The following LMBR1 variants were observed in gnomAD, a reference collection of about 807,000 sequenced individuals.
LMBR1 encodes the protein limb development membrane protein 1.
LMBR1 carries 52 observed loss-of-function variants against 73.9 expected under a neutral mutation model. The observed-to-expected ratio is 0.70, with a 90% confidence interval of 0.56 to 0.89. LMBR1 has a LOEUF of 0.89. LMBR1 is among the 40% of genes least tolerant of loss of function. The probability of loss-of-function intolerance (pLI) is 0.00; values close to 1 mark genes in which losing one functional copy is unlikely to be tolerated. For synonymous variants in LMBR1, 215 were observed against 209.4 expected, an observed-to-expected ratio of 1.03 and a Z score of -0.23; for missense variants, 539 against 579.8, an observed-to-expected ratio of 0.93 and a Z score of 0.72.
At chr7:156,771,432 G>A (rs1825159222) in intron 5 of LMBR1, among the ~76,000 whole-genome samples, 1 of 152,086 alleles carries the variant, frequency 6.6e-6, no homozygotes, top group Non-Finnish European at 1.5e-5. Flanking sequence ...AACCATCAGG[G>A]ACTATTATGA....
intron 15 of LMBR1, among the ~76,000 whole-genome samples, chr7:156,690,022 C>T (rs1477292721): frequency 1.3e-5 from 2 of 152,134 alleles, no homozygotes; most frequent in African/African-American, 2.4e-5. Flanking sequence ...AATCTTCTCA[C>T]AAGAAAAACC....
intron 15 of LMBR1, among the ~76,000 whole-genome samples, chr7:156,714,947 C>CT (rs1491587744): frequency 6.7e-6 from 1 of 148,904 alleles, no homozygotes; most frequent in Non-Finnish European, 1.5e-5. Flanking sequence ...TAAAAAAATA[C>CT]TTTTTTCTTT....
intron 9 of LMBR1, among the ~76,000 whole-genome samples, chr7:156,743,962 A>C (rs901293440): frequency 6.6e-6 from 1 of 152,212 alleles, no homozygotes; most frequent in Non-Finnish European, 1.5e-5. Flanking sequence ...TGTTTCTTTC[A>C]ATATGGAAGT....
intron 3 of LMBR1, among the ~76,000 whole-genome samples, chr7:156,827,889 G>A (rs1835971090): frequency 1.3e-5 from 2 of 152,148 alleles, no homozygotes; most frequent in Admixed American, 6.5e-5. Context: ...CAGACCATAT[G>A]ATACTTAAGA....
In LMBR1 at chr7:156,685,040, T is replaced by C. The variant is rs1033504832; in HGVS notation, c.1388-877A>G. ...GGAAAGCCACAGCCAAATATTAATA[T>C]GTAATTAAAAAGAAAAGAATGGAAA... On this transcript the variant is annotated intron_variant, in intron 16 of 16. Coordinates refer to ENST00000353442, the MANE Select transcript of LMBR1 (RefSeq NM_022458.4). This position sits in a 1 kb window ranked among gnomAD's most constrained non-coding sequence, Gnocchi z 4.1. 6.6e-6 allele frequency among the ~76,000 whole-genome samples: 1 copy of C among 151,442 alleles called. No individual in the cohort carries two copies. The highest frequency in any genetic ancestry group is 2.4e-5 in the African/African-American group (1 of 41,192).
At chr7:156,881,836 T>C (rs1586444679) in intron 1 of LMBR1, among the ~76,000 whole-genome samples, 1 of 149,408 alleles carries the variant, frequency 6.7e-6, no homozygotes, top group Non-Finnish European at 1.5e-5. Flanking sequence ...ACGACAAGTG[T>C]TGACAAGGCT....
chr7:156,686,528 C>G (rs568950469), intron 16 of LMBR1, among the ~76,000 whole-genome samples: 1 of 152,214 alleles, frequency 6.6e-6, no homozygotes, highest in South Asian at 2.1e-4. Flanking sequence ...GTAGCACACC[C>G]CAAAGAATAC....
In LMBR1 at chr7:156,763,943, G is replaced by T. The variant is rs190824239; in HGVS notation, c.424-148C>A. On this transcript the variant is annotated intron_variant, in intron 5 of 16. Transcript: ENST00000353442. ...AGGAAAAAAACACTAGGTACTTATG[G>T]TTTACAATGTTTAGACTGACTTTTC... is the stretch of plus-strand genomic sequence containing the variant. The T allele has an allele frequency of 1.9e-6, 1 of 518,968 alleles. No homozygotes were observed. Among genetic ancestry groups the T allele is most frequent in the Non-Finnish European group, 3.2e-6 (1 of 315,582 alleles). The allele number at this position is 518,968 out of a possible 1,614,324, so 32.1% of individuals were successfully genotyped here.
intron 5 of LMBR1, among the ~76,000 whole-genome samples, chr7:156,775,759 T>A (rs1826019789): frequency 6.6e-6 from 1 of 152,174 alleles, no homozygotes; most frequent in South Asian, 2.1e-4. Flanking sequence ...CAACTAATGT[T>A]CTTTTTAATT....
At chr7:156,809,488 T>C (rs1452275376) in intron 4 of LMBR1, among the ~76,000 whole-genome samples, 2 of 152,228 alleles carry the variant, frequency 1.3e-5, no homozygotes, top group Admixed American at 1.3e-4. Flanking sequence ...CTATATACTT[T>C]AAATCATCCA....
chr7:156,806,204 C>A (rs201633981), intron 4 of LMBR1, among the ~76,000 whole-genome samples: 6 of 152,246 alleles, frequency 3.9e-5, no homozygotes, highest in Non-Finnish European at 8.8e-5. Context: ...TTAGGTCTCA[C>A]GCATCCCTAA....
chr7:156,868,441 C>T (rs966879179), intron 1 of LMBR1, among the ~76,000 whole-genome samples: 2 of 151,954 alleles, frequency 1.3e-5, no homozygotes, highest in South Asian at 4.1e-4. Flanking sequence ...TTTGGGAGGC[C>T]GAGGTGGGCA....
intron 5 of LMBR1, among the ~76,000 whole-genome samples, chr7:156,795,711 C>T (rs763443650): frequency 3.9e-5 from 6 of 152,236 alleles, no homozygotes; most frequent in African/African-American, 7.2e-5. Context: ...CATCGCCACA[C>T]CCAGTTAATT....
chr7:156,857,537 G>A (rs1797137794), intron 1 of LMBR1, among the ~76,000 whole-genome samples: 1 of 152,184 alleles, frequency 6.6e-6, no homozygotes, highest in Admixed American at 6.5e-5. Flanking sequence ...ATCAGTAATT[G>A]GCAGATGCAG....
chr7:156,851,544 C>T (rs1204874483), intron 1 of LMBR1, among the ~76,000 whole-genome samples: 1 of 152,086 alleles, frequency 6.6e-6, no homozygotes, highest in Non-Finnish European at 1.5e-5. Context: ...GACTATACAC[C>T]AGATTACTCT....
intron 8 of LMBR1, among the ~76,000 whole-genome samples, chr7:156,760,354 A>G (rs1563295744): frequency 6.6e-6 from 1 of 152,200 alleles, no homozygotes; most frequent in Non-Finnish European, 1.5e-5. Context: ...TTTCAGCTCC[A>G]TGGGGTATTC....
chr7:156,877,755 C>T (rs906981502), intron 1 of LMBR1, among the ~76,000 whole-genome samples: 9 of 151,930 alleles, frequency 5.9e-5, no homozygotes, highest in Admixed American at 1.3e-4. Context: ...CGGTGGCAGG[C>T]GCCTGTAGTC....
Position 156,850,336 on chromosome 7 carries a change from TTC to T in LMBR1, c.67-13453_67-13452del, listed in dbSNP as rs1796067599. On this transcript the variant is annotated intron_variant, in intron 1 of 16. Coordinates refer to ENST00000353442, the MANE Select transcript of LMBR1 (RefSeq NM_022458.4). ...CTCCAGAATCATACACCAAATAAATTTCTGTTCATTATATATTATCCAGCCTG... is the reference window on the plus strand; with the variant it reads ...CTCCAGAATCATACACCAAATAAATTTGTTCATTATATATTATCCAGCCTG... Among the ~76,000 whole-genome samples, 4 of 152,120 alleles carry T rather than the reference TTC, an allele frequency of 2.6e-5. No homozygotes were observed. The South Asian group carries it at 8.3e-4, about 31-fold the overall frequency.
chr7:156,874,585 C>T (rs942764626), intron 1 of LMBR1, among the ~76,000 whole-genome samples: 7 of 152,244 alleles, frequency 4.6e-5, no homozygotes, highest in Non-Finnish European at 7.3e-5. Context: ...GTGCAGTTAT[C>T]GACAGCTGAG....
Sources: allele counts gnomAD v4.1 joint callset (sites outside exome capture counted in the v4.1 genomes callset), GRCh38; gene constraint gnomAD v4.1.1; non-coding constraint Gnocchi (gnomAD v3.1); transcripts MANE v1.5; gene names NCBI Gene and HGNC (gene_info 2026-07-23, HGNC 2026-07-21).